Variants in VRK2 observed in about 807,000 individuals in gnomAD.
The protein encoded by VRK2 is VRK serine/threonine kinase 2, also known as serine/threonine-protein kinase VRK2.
VRK2 carries 60 observed loss-of-function variants against 57.6 expected under a neutral mutation model. The ratio of observed to expected loss-of-function variants is 1.04; its 90% CI spans 0.85 to 1.29. The LOEUF (loss-of-function observed/expected upper bound fraction) is 1.29. Among genes scored for constraint, VRK2 ranks in the 50% most tolerant of loss-of-function variants. VRK2 has a pLI of 0.00. For missense variants in VRK2, 705 were observed against 588.1 expected, an observed-to-expected ratio of 1.20 and a Z score of -2.06; for synonymous variants, 231 against 199.2, an observed-to-expected ratio of 1.16 and a Z score of -1.35.
In VRK2 at chr2:58,091,197, T is replaced by C. The variant is rs1672326029; in HGVS notation, c.543+1474T>C. Among the ~76,000 whole-genome samples, 3 of 152,288 alleles carry C rather than the reference T, an allele frequency of 2.0e-5. No individual in the cohort carries two copies. In the South Asian group the frequency reaches 6.2e-4, roughly 32 times the overall value. On this transcript the variant is annotated intron_variant, in intron 7 of 12. Coordinates refer to ENST00000340157, the MANE Select transcript of VRK2 (RefSeq NM_006296.7). ...TGGACAAGACCAAGAGTGAACATAA[T>C]GTAAACTGTGGCTTTTGGATGATAA...
intron 2 of VRK2, among the ~76,000 whole-genome samples, chr2:58,026,146 A>G (rs1241643467): frequency 1.3e-5 from 2 of 152,106 alleles, no homozygotes; most frequent in Non-Finnish European, 2.9e-5. Flanking sequence ...TCCATTGCAT[A>G]ATGGAGATGT....
At chr2:58,028,897 TAAATAA>T (rs1183325380) in intron 2 of VRK2, among the ~76,000 whole-genome samples, 94 of 57,060 alleles carry the variant, frequency 1.6e-3, no homozygotes, top group Middle Eastern at 0.016. Flanking sequence ...AATAAATAAA[TAAATAA>T]ATATATATAT....
intron 7 of VRK2, among the ~76,000 whole-genome samples, chr2:58,103,272 A>G (rs1254139962): frequency 1.3e-5 from 2 of 151,464 alleles, no homozygotes; most frequent in Middle Eastern, 3.4e-3. Context: ...TTAAATAAAT[A>G]AATAAAAATT....
At chr2:57,918,241 C>T (rs1241411430) in intron 1 of VRK2, among the ~76,000 whole-genome samples, 1 of 152,034 alleles carries the variant, frequency 6.6e-6, no homozygotes, top group African/African-American at 2.4e-5. Context: ...TTTCCATATC[C>T]TTGGCTCTCA....
intron 11 of VRK2, among the ~76,000 whole-genome samples, chr2:58,143,929 T>TAC (rs1681713649): frequency 6.6e-6 from 1 of 151,674 alleles, no homozygotes; most frequent in South Asian, 2.1e-4. Flanking sequence ...ATTTTATTCA[T>TAC]ATATATTGTG....
intron 1 of VRK2, among the ~76,000 whole-genome samples, chr2:57,973,659 G>A (rs1250303878): frequency 2.0e-5 from 3 of 151,814 alleles, no homozygotes; most frequent in Admixed American, 1.3e-4. Flanking sequence ...TAAATTTTAG[G>A]ATTTTGTGGA....
chr2:58,136,708 G>A (rs1397686571), intron 10 of VRK2, among the ~76,000 whole-genome samples: 5 of 150,152 alleles, frequency 3.3e-5, no homozygotes, highest in African/African-American at 1.2e-4. Flanking sequence ...TTACCAAGTT[G>A]TATAGTTCAT....
intron 2 of VRK2, among the ~76,000 whole-genome samples, chr2:58,060,325 T>G (rs1359627608): frequency 6.6e-6 from 1 of 151,962 alleles, no homozygotes; most frequent in Non-Finnish European, 1.5e-5. Context: ...ACTAGTTTAA[T>G]GTAGATTGAC....
rs972138919 is a variant in VRK2 at position 58,012,910 on chromosome 2, C to T, written c.-438-12755C>T. Among the ~76,000 whole-genome samples the T allele has an allele frequency of 3.9e-5, 6 of 152,038 alleles. No homozygotes were observed. The South Asian group carries it at 8.3e-4, about 21-fold the overall frequency. Reference sequence around the variant, plus strand: ...AGGTTTTTCAATGAAAAATATAAAACGTAAAACTTTCAGTGTATTTTAGAG... The same window carrying T: ...AGGTTTTTCAATGAAAAATATAAAATGTAAAACTTTCAGTGTATTTTAGAG... On this transcript the variant is annotated intron_variant, in intron 1 of 15. Coordinates refer to the VRK2 transcript ENST00000417641.
At chr2:58,126,907 A>G (rs932534486) in intron 8 of VRK2, among the ~76,000 whole-genome samples, 9 of 152,060 alleles carry the variant, frequency 5.9e-5, no homozygotes, top group African/African-American at 1.9e-4. Context: ...TGTGTGGTAT[A>G]GATTTTTGTA....
intron 10 of VRK2, among the ~76,000 whole-genome samples, chr2:58,137,732 C>T (rs1680748097): frequency 6.6e-6 from 1 of 151,988 alleles, no homozygotes; most frequent in African/African-American, 2.4e-5. Flanking sequence ...GTTTCTATCT[C>T]TTGATAGTAA....
intron 12 of VRK2, among the ~76,000 whole-genome samples, chr2:58,157,073 A>G (rs74430707): frequency 0.014 from 2,085 of 152,288 alleles, 27 homozygotes; most frequent in Non-Finnish European, 0.02. Context: ...TCTGCAGTAA[A>G]TCTTAAATTG....
intron 12 of VRK2, 28 bp from the exon 13 acceptor site, chr2:58,159,321 C>CTAAACTATATATGTATTTTTT (rs1684667743): frequency 6.5e-7 from 1 of 1,531,822 alleles, no homozygotes; most frequent in African/African-American, 1.4e-5. Flanking sequence ...GTCTAACAAA[C>CTAAACTATATATGTATTTTTT]TAAACTATAT....
chr2:58,069,587 T>C (rs971197456), intron 2 of VRK2, among the ~76,000 whole-genome samples: 1 of 152,084 alleles, frequency 6.6e-6, no homozygotes, highest in Non-Finnish European at 1.5e-5. Context: ...TAGATACCAC[T>C]CTCTTTTGGG....
At chr2:58,049,242 T>C (rs1411591733) in intron 2 of VRK2, among the ~76,000 whole-genome samples, 1 of 152,180 alleles carries the variant, frequency 6.6e-6, no homozygotes, top group Non-Finnish European at 1.5e-5. Context: ...TTCTTTTTTT[T>C]TGAGAGCTTG....
At chr2:58,086,700 G>T (rs1671668600) in intron 5 of VRK2, among the ~76,000 whole-genome samples, 1 of 152,266 alleles carries the variant, frequency 6.6e-6, no homozygotes, top group South Asian at 2.1e-4. Context: ...GGTTCCTCAT[G>T]TGGCTACTGG....
intron 1 of VRK2, among the ~76,000 whole-genome samples, chr2:57,964,396 G>A (rs566137138): frequency 1.3e-5 from 2 of 152,238 alleles, no homozygotes; most frequent in Non-Finnish European, 2.9e-5. Flanking sequence ...AGACTGAAGA[G>A]GAGTAGGAAG....
At chr2:58,140,641 A>G (rs961773689) in intron 11 of VRK2, among the ~76,000 whole-genome samples, 1 of 151,992 alleles carries the variant, frequency 6.6e-6, no homozygotes, top group African/African-American at 2.4e-5. Flanking sequence ...GATGCAAACT[A>G]ATGTGACTGA....
chr2:58,080,287 T>C (rs1242733617), intron 2 of VRK2, among the ~76,000 whole-genome samples: 2 of 151,932 alleles, frequency 1.3e-5, no homozygotes, highest in Non-Finnish European at 2.9e-5. Flanking sequence ...TGAGACTTGT[T>C]TTCTGGGTGA....
Sources: gnomAD v4.1 joint callset for allele counts (sites outside exome capture counted in the v4.1 genomes callset) on GRCh38, gnomAD v4.1.1 for gene constraint, MANE v1.5 for transcripts, NCBI Gene and HGNC (gene_info 2026-07-23, HGNC 2026-07-21) for gene names.